Variants in KLHDC3 observed in about 807,000 individuals in gnomAD.
KLHDC3 encodes kelch domain containing 3.
KLHDC3 carries 5 observed loss-of-function variants against 44.1 expected under a neutral mutation model. That is an observed-to-expected ratio of 0.11 (90% CI 0.06 to 0.24). KLHDC3 has a LOEUF of 0.24. Ranked by LOEUF, KLHDC3 falls within the 10% of genes least tolerant of loss-of-function variation. The pLI is 1.00. For synonymous variants in KLHDC3, 170 were observed against 189.0 expected (o/e 0.90, Z 0.82); for missense variants, 247 against 514.3 (o/e 0.48, Z 5.03).
In KLHDC3 at chr6:43,021,220, CCCTT is replaced by C. The variant is rs1205882665; in HGVS notation, c.*492_*495del. 7.5e-6 allele frequency: 3 copies of C among 401,784 alleles called. No individual in the cohort carries two copies. Among genetic ancestry groups the C allele is most frequent in the African/African-American group, 2.1e-5 (1 of 48,528 alleles). The allele number at this position is 401,784 out of a possible 1,614,324, so 24.9% of individuals were successfully genotyped here. A position where few individuals can be genotyped will look rare whatever the true frequency, so the allele number is the denominator to read the frequency against. On this transcript the variant is annotated 3_prime_UTR_variant, in exon 11 of 11. Transcript: ENST00000326974. ...GGTGGGGACCAGCAGATAAATCCCA[CCCTT>C]CCTTGAGCTGTCGCTGTACTCTGAA...
At position 43,020,647 on chromosome 6, in the gene KLHDC3, T is replaced by G. The variant is rs778283064; in HGVS notation, c.1083-20T>G. On this transcript the variant is annotated intron_variant, in intron 10 of 10. Transcript: ENST00000326974. ...CTGAGGGCCCCCTCTTCTTTCTGTC[T>G]CTTATTGTTGGCCTTCCAGGTGGGA... 8 of 1,606,818 alleles carry G rather than the reference T, an allele frequency of 5.0e-6. No individual in the cohort carries two copies. The highest frequency in any genetic ancestry group is 6.8e-6 in the Non-Finnish European group (8 of 1,173,702).
intron 1 of KLHDC3, among the ~76,000 whole-genome samples, chr6:43,016,056 C>T (rs1481493814): frequency 1.3e-5 from 2 of 151,840 alleles, no homozygotes; most frequent in Non-Finnish European, 2.9e-5. Flanking sequence ...CTGCCTCAGC[C>T]TCCTGAGTAG....
chr6:43,015,748 G>C (rs2150290120), intron 1 of KLHDC3, among the ~76,000 whole-genome samples: 1 of 151,600 alleles, frequency 6.6e-6, no homozygotes, highest in South Asian at 2.1e-4. Flanking sequence ...TACTTGGGAG[G>C]CTGAGGCAGG....
chr6:43,015,940 C>T (rs1762560949), intron 1 of KLHDC3, among the ~76,000 whole-genome samples: 1 of 150,426 alleles, frequency 6.6e-6, no homozygotes, highest in Admixed American at 6.6e-5. Context: ...CTCCCTTCCC[C>T]TTTTTTTTTG....
Position 43,017,496 on chromosome 6 carries a change from G to A in KLHDC3, c.155-23G>A, listed in dbSNP as rs1239629797. 6.4e-7 allele frequency: 1 copy of A among 1,573,400 alleles called. No homozygotes were observed. The highest frequency in any genetic ancestry group is 8.6e-7 in the Non-Finnish European group (1 of 1,156,518). ...GACAGCCTGGAGGGAGGTTCCCAGGGCTGAGCAGAGCTGTGCCCACAGTGT... is the reference window on the plus strand; with the variant it reads ...GACAGCCTGGAGGGAGGTTCCCAGGACTGAGCAGAGCTGTGCCCACAGTGT... On this transcript the variant is annotated intron_variant, in intron 2 of 10. Coordinates refer to ENST00000326974, the MANE Select transcript of KLHDC3 (RefSeq NM_057161.4). The surrounding 1 kb of genome is among the most constrained non-coding windows in gnomAD (Gnocchi z 6.0).
intron 10 of KLHDC3, among the ~76,000 whole-genome samples, chr6:43,020,304 C>CT (rs1455251169): frequency 4.6e-5 from 7 of 152,052 alleles, no homozygotes; most frequent in African/African-American, 1.7e-4. Flanking sequence ...TGAGGCATTC[C>CT]TGGTGAGGGT....
rs556882212 is a variant in KLHDC3 at position 43,019,482 on chromosome 6, T to G, written c.1082+116T>G. 4.2e-6 allele frequency: 3 copies of G among 709,790 alleles called. No individual in the cohort carries two copies. In the East Asian group the frequency reaches 7.5e-5, roughly 18 times the overall value. 44.0% of individuals were successfully genotyped at this position (709,790 alleles called of 1,614,324 possible). Reference sequence around the variant, plus strand: ...ACAGACATTTTTGTTCTGCTGGAGATGTAGTGTACTTGTGGGAAATGAGAT... The same window carrying G: ...ACAGACATTTTTGTTCTGCTGGAGAGGTAGTGTACTTGTGGGAAATGAGAT... On this transcript the variant is annotated intron_variant, in intron 10 of 10. Coordinates refer to ENST00000326974, the MANE Select transcript of KLHDC3 (RefSeq NM_057161.4).
rs1473651936 is a variant in KLHDC3 at position 43,017,739 on chromosome 6, C to T, written c.331+44C>T. On this transcript the variant is annotated intron_variant, in intron 3 of 10. Coordinates refer to ENST00000326974, the MANE Select transcript of KLHDC3 (RefSeq NM_057161.4). The surrounding 1 kb of genome is among the most constrained non-coding windows in gnomAD (Gnocchi z 6.0). ...GAGGCTATGTCCTTCCAGATGTTGC[C>T]TCAGTTGCCCAAGAAAGGTTTGGGT... The T allele has an allele frequency of 6.2e-7, 1 of 1,602,726 alleles. No homozygotes were observed. The highest frequency in any genetic ancestry group is 1.7e-5 in the Admixed American group (1 of 59,724).
At position 43,017,748 on chromosome 6, in the gene KLHDC3, CCAAGA is replaced by C. The variant is rs1486187926; in HGVS notation, c.331+54_331+58del. 2.1e-4 allele frequency: 329 copies of C among 1,600,944 alleles called. 7 individuals are homozygous for C. The South Asian group carries it at 3.4e-3, about 16-fold the overall frequency. ...TCCTTCCAGATGTTGCCTCAGTTGCCCAAGAAAGGTTTGGGTTGGGGGTCTTGGGG... is the reference window on the plus strand; with the variant it reads ...TCCTTCCAGATGTTGCCTCAGTTGCCAAGGTTTGGGTTGGGGGTCTTGGGG... On this transcript the variant is annotated intron_variant, in intron 3 of 10. Transcript: ENST00000326974. This position sits in a 1 kb window ranked among gnomAD's most constrained non-coding sequence, Gnocchi z 6.0.
Position 43,020,716 on chromosome 6 carries a change from G to A in KLHDC3, c.1132G>A (p.Val378Ile), listed in dbSNP as rs17856310. The change falls in exon 11 of 11, where the codon GTC becomes ATC. Residue 378 changes from valine to isoleucine, a missense_variant. Val to Ile is a conservative substitution (Grantham distance 29). This residue lies in a region of KLHDC3 where 176 missense variants were observed against 413.5 expected (regional missense o/e 0.43). Transcript: ENST00000326974. ...CAACAGCAATATCAGTCGCCCCATC[G>A]TCTCCTCCCATGGGTAGGAGGAAGT... is the stretch of plus-strand genomic sequence containing the variant. ...TTNSNISRPIVSSHG is the reference protein window; with the variant it reads ...TTNSNISRPIISSHG 19 of 1,613,832 alleles carry A rather than the reference G, an allele frequency of 1.2e-5. No individual in the cohort carries two copies. The highest frequency in any genetic ancestry group is 1.6e-5 in the Non-Finnish European group (19 of 1,179,824).
At chr6:43,019,676 A>G (rs1014426330) in intron 10 of KLHDC3, among the ~76,000 whole-genome samples, 66 of 152,350 alleles carry the variant, frequency 4.3e-4, no homozygotes, top group African/African-American at 1.5e-3. Flanking sequence ...TGCAAAGTAA[A>G]GACAAGTTTA....
rs34597116 is a variant in KLHDC3 at position 43,018,891 on chromosome 6, G to T, written c.849G>T (p.Pro283=). The change falls in exon 8 of 11, where the codon CCG becomes CCT. Residue 283 remains proline, a synonymous_variant. Coordinates refer to ENST00000326974, the MANE Select transcript of KLHDC3 (RefSeq NM_057161.4). The surrounding 1 kb of genome is among the most constrained non-coding windows in gnomAD (Gnocchi z 6.0). ...CCTTTACCTGGAAAAAGATTGAACCGAAGGGGAAGGGGCCATGTCCCCGCC... is the reference window on the plus strand; with the variant it reads ...CCTTTACCTGGAAAAAGATTGAACCTAAGGGGAAGGGGCCATGTCCCCGCC... ...PVSFTWKKIE[P]KGKGPCPRRR... The T allele has an allele frequency of 2.4e-5, 38 of 1,611,358 alleles. No homozygotes were observed. Among genetic ancestry groups the T allele is most frequent in the African/African-American group, 1.3e-5 (1 of 74,828 alleles).
At chr6:43,020,551 G>T in intron 10 of KLHDC3, 116 bp from the exon 11 acceptor site, 1 of 773,820 alleles carries the variant, frequency 1.3e-6, no homozygotes, top group Non-Finnish European at 2.3e-6. Context: ...GGTGGCTGTG[G>T]GTGGTTGACC....
chr6:43,020,749 A>G lies in KLHDC3; in HGVS notation c.*16A>G. 1 of 1,601,680 alleles carries G rather than the reference A, an allele frequency of 6.2e-7. No individual in the cohort carries two copies. Among genetic ancestry groups the G allele is most frequent in the South Asian group, 1.1e-5 (1 of 90,766 alleles). On this transcript the variant is annotated 3_prime_UTR_variant, in exon 11 of 11. Coordinates refer to ENST00000326974, the MANE Select transcript of KLHDC3 (RefSeq NM_057161.4). Reference sequence around the variant, plus strand: ...CCATGGGTAGGAGGAAGTTTCTGCCACCTCCCCTCCTGAGCCTGCTGTCAT... The same window carrying G: ...CCATGGGTAGGAGGAAGTTTCTGCCGCCTCCCCTCCTGAGCCTGCTGTCAT...
intron 1 of KLHDC3, among the ~76,000 whole-genome samples, chr6:43,016,168 C>T (rs1450622860): frequency 1.3e-5 from 2 of 152,106 alleles, no homozygotes; most frequent in African/African-American, 2.4e-5. Context: ...CTCTTGATCT[C>T]GTGATCCACC....
chr6:43,019,765 C>A (rs1252638622), intron 10 of KLHDC3, among the ~76,000 whole-genome samples: 1 of 152,164 alleles, frequency 6.6e-6, no homozygotes, highest in Non-Finnish European at 1.5e-5. Context: ...AATTAACCAC[C>A]AGATGTTACT....
Position 43,017,578 on chromosome 6 carries a change from G to T in KLHDC3, c.214G>T (p.Val72Leu), listed in dbSNP as rs1356362790. 1 of 1,613,792 alleles carries T rather than the reference G, an allele frequency of 6.2e-7. No individual in the cohort carries two copies. Among genetic ancestry groups the T allele is most frequent in the South Asian group, 1.1e-5 (1 of 91,034 alleles). ...VKSAIRGQAP[V>L]VPYMRYGHST... ...GTCTGCCATCCGTGGGCAAGCTCCT[G>T]TGGTACCCTACATGCGCTATGGACA... Residue 72 changes from valine to leucine, a missense_variant, in exon 3 of 11, where the codon GTG (valine) becomes TTG (leucine). By Grantham distance (32) the Val-to-Leu change is conservative. Coordinates refer to ENST00000326974, the MANE Select transcript of KLHDC3 (RefSeq NM_057161.4). This position sits in a 1 kb window ranked among gnomAD's most constrained non-coding sequence, Gnocchi z 6.0.
In KLHDC3 at chr6:43,017,467, A is replaced by G; in HGVS notation, c.155-52A>G. 6 of 1,562,162 alleles carry G rather than the reference A, an allele frequency of 3.8e-6. No homozygotes were observed. Among genetic ancestry groups the G allele is most frequent in the Non-Finnish European group, 5.2e-6 (6 of 1,150,280 alleles). On this transcript the variant is annotated intron_variant, in intron 2 of 10. Transcript: ENST00000326974. This position sits in a 1 kb window ranked among gnomAD's most constrained non-coding sequence, Gnocchi z 6.0. ...GGGGACAAACATCTGGTTTGGGAAAAGTGGACAGCCTGGAGGGAGGTTCCC... is the reference window on the plus strand; with the variant it reads ...GGGGACAAACATCTGGTTTGGGAAAGGTGGACAGCCTGGAGGGAGGTTCCC...
chr6:43,017,078 CAGTG>C lies in KLHDC3; in HGVS notation c.-59-53_-59-50del. ...CAAAGGCTGGTTCTGGGCAGAGTCA[CAGTG>C]AGCTGGGCAGAAGCCTCGCCTGAGG... On this transcript the variant is annotated intron_variant, in intron 1 of 10. Transcript: ENST00000326974. This position sits in a 1 kb window ranked among gnomAD's most constrained non-coding sequence, Gnocchi z 6.0. The C allele has an allele frequency of 1.6e-6, 2 of 1,262,328 alleles. No homozygotes were observed. The highest frequency in any genetic ancestry group is 2.2e-6 in the Non-Finnish European group (2 of 902,036). 78.2% of individuals were successfully genotyped at this position (1,262,328 alleles called of 1,614,324 possible).
Sources: gnomAD v4.1 joint callset for allele counts (sites outside exome capture counted in the v4.1 genomes callset) on GRCh38, gnomAD v4.1.1 for gene constraint, gnomAD v4.1.1 regional missense constraint, Gnocchi (gnomAD v3.1) non-coding constraint, MANE v1.5 for transcripts, NCBI Gene and HGNC (gene_info 2026-07-23, HGNC 2026-07-21) for gene names.